Variants in LAMA2 observed in about 807,000 individuals in gnomAD.
The protein encoded by LAMA2 is laminin subunit alpha 2, also known as laminin subunit alpha-2.
LAMA2 carries 269 observed loss-of-function variants against 364.8 expected under a neutral mutation model. The ratio of observed to expected loss-of-function variants is 0.74; its 90% CI spans 0.67 to 0.82. The LOEUF (loss-of-function observed/expected upper bound fraction) is 0.82, where lower values mean the gene tolerates loss of function less well. Among genes scored for constraint, LAMA2 ranks in the 40% least tolerant of loss-of-function variants. The probability of loss-of-function intolerance (pLI) is 0.00; values close to 1 mark genes in which losing one functional copy is unlikely to be tolerated. For missense variants in LAMA2, 3,807 were observed against 3,873.2 expected, an observed-to-expected ratio of 0.98 and a Z score of 0.45; for synonymous variants, 1,379 against 1,370.6, an observed-to-expected ratio of 1.01 and a Z score of -0.14.
chr6:129,391,911 A>G (rs1779346735), intron 36 of LAMA2, among the ~76,000 whole-genome samples: 1 of 152,170 alleles, frequency 6.6e-6, no homozygotes, highest in East Asian at 1.9e-4. Context: ...TCTTGCCTAC[A>G]TATAATCAAG....
At chr6:129,419,757 G>C (rs913821777) in intron 40 of LAMA2, among the ~76,000 whole-genome samples, 3 of 151,988 alleles carry the variant, frequency 2.0e-5, no homozygotes, top group African/African-American at 7.3e-5. Flanking sequence ...TTTCAATCTT[G>C]ACAGATACTC....
At chr6:129,232,505 T>G (rs1784725911) in intron 12 of LAMA2, among the ~76,000 whole-genome samples, 1 of 152,106 alleles carries the variant, frequency 6.6e-6, no homozygotes, top group Non-Finnish European at 1.5e-5. Context: ...ATTCCTGATT[T>G]TTTTCTCCAT....
At chr6:128,929,537 C>T in intron 1 of LAMA2, 1 of 945,764 alleles carries the variant, frequency 1.1e-6, no homozygotes, top group Non-Finnish European at 1.8e-6. Flanking sequence ...AGAGAAACTC[C>T]TGAGCGACAA....
At chr6:129,360,186 A>G (rs768052891) in intron 32 of LAMA2, among the ~76,000 whole-genome samples, 13 of 152,282 alleles carry the variant, frequency 8.5e-5, no homozygotes, top group Non-Finnish European at 1.8e-4. Context: ...ATTGTAAGAT[A>G]GGTGTTCATT....
intron 9 of LAMA2, among the ~76,000 whole-genome samples, chr6:129,173,366 GTTTC>G (rs1780348178): frequency 6.6e-6 from 1 of 151,974 alleles, no homozygotes; most frequent in African/African-American, 2.4e-5. Flanking sequence ...TTTATTATGT[GTTTC>G]TTCTACGATA....
intron 29 of LAMA2, among the ~76,000 whole-genome samples, chr6:129,329,952 C>G (rs73585592): frequency 0.015 from 2,289 of 152,158 alleles, 46 homozygotes; most frequent in African/African-American, 0.05. Flanking sequence ...AGATCAGAGA[C>G]AGCATTAGAT....
At chr6:129,166,383 A>G (rs949003620) in intron 9 of LAMA2, among the ~76,000 whole-genome samples, 2 of 152,182 alleles carry the variant, frequency 1.3e-5, no homozygotes, top group Admixed American at 1.3e-4. Context: ...AAAGACTAAA[A>G]TTAATCAAGG....
At chr6:129,200,111 CGT>C (rs1562323502) in intron 12 of LAMA2, among the ~76,000 whole-genome samples, 1 of 115,262 alleles carries the variant, frequency 8.7e-6, no homozygotes, top group East Asian at 3.3e-4. Context: ...TATGTGTACA[CGT>C]ATATATATGT....
intron 7 of LAMA2, 90 bp from the exon 8 acceptor site, chr6:129,154,415 A>C: frequency 7.9e-7 from 1 of 1,263,976 alleles, no homozygotes; most frequent in Non-Finnish European, 1.1e-6. Flanking sequence ...CTCTGTCTCA[A>C]AAAAAAAATC....
chr6:129,167,999 G>T (rs372620674), intron 9 of LAMA2, among the ~76,000 whole-genome samples: 66 of 150,760 alleles, frequency 4.4e-4, no homozygotes, highest in Admixed American at 8.6e-4. Flanking sequence ...TCGCCCACTT[G>T]TTGATGGGGT....
At chr6:128,997,916 G>A (rs542908207) in intron 1 of LAMA2, among the ~76,000 whole-genome samples, 2 of 152,282 alleles carry the variant, frequency 1.3e-5, no homozygotes, top group East Asian at 3.9e-4. Context: ...GGTTCGTAAC[G>A]AGGTGATTTT....
chr6:129,187,949 G>T (rs1781321537), intron 10 of LAMA2, among the ~76,000 whole-genome samples: 1 of 151,924 alleles, frequency 6.6e-6, no homozygotes, highest in African/African-American at 2.4e-5. Flanking sequence ...CAATGTCTTT[G>T]CTAACATCGG....
rs143664472 is a variant in LAMA2, at chr6:129,098,318, A to G, written c.542A>G (p.Asn181Ser). 3.5e-5 allele frequency: 56 copies of G among 1,613,976 alleles called. No individual in the cohort carries two copies. The African/African-American group carries it at 5.9e-4, about 17-fold the overall frequency. ...GACACGGAGTGCCTAACGCTTTACA[A>G]TATTTATCCCCGCACTGGGCCACCG... ...VTDTECLTLYNIYPRTGPPSY... is the reference protein window; with the variant it reads ...VTDTECLTLYSIYPRTGPPSY... Residue 181 changes from asparagine (N) to serine (S), a missense_variant, in exon 4 of 65, where the codon AAT becomes AGT. Asn to Ser is a conservative substitution (Grantham distance 46). This residue lies in a region of LAMA2 where 394 missense variants were observed against 403.5 expected (regional missense o/e 0.98). Transcript: ENST00000421865.
chr6:129,302,922 C>T (rs528058584), intron 22 of LAMA2, among the ~76,000 whole-genome samples: 1 of 152,158 alleles, frequency 6.6e-6, no homozygotes, highest in South Asian at 2.1e-4. Flanking sequence ...GTTTCCAATA[C>T]CTTTTGAGTA....
Position 129,165,641 on chromosome 6 carries a change from A to T in LAMA2, c.1272A>T (p.Glu424Asp). The T allele has an allele frequency of 6.2e-7, 1 of 1,613,124 alleles. No individual in the cohort carries two copies. Among genetic ancestry groups the T allele is most frequent in the Non-Finnish European group, 8.5e-7 (1 of 1,179,322 alleles). Residue 424 changes from glutamate (E) to aspartate (D), a missense_variant, in exon 9 of 65, where the codon GAA becomes GAT. This residue lies in a region of LAMA2 where 3,333 missense variants were observed against 3,345.7 expected (regional missense o/e 1.00). Coordinates refer to ENST00000421865, the MANE Select transcript of LAMA2 (RefSeq NM_000426.4). ...GCGATCCAATTGGTTCCTTAAATGA[A>T]GTCTGTGTCAAGGATGAGAAACATG... is the stretch of plus-strand genomic sequence containing the variant. The part of the protein sequence containing the change: ...CHCDPIGSLN[E>D]VCVKDEKHAR...
At chr6:128,980,677 A>G (rs931149374) in intron 1 of LAMA2, among the ~76,000 whole-genome samples, 1 of 152,164 alleles carries the variant, frequency 6.6e-6, no homozygotes, top group Non-Finnish European at 1.5e-5. Context: ...ATATAAAACT[A>G]TTTTTGCCAG....
chr6:129,460,663 T>C (rs1783204858), intron 49 of LAMA2, among the ~76,000 whole-genome samples: 1 of 152,024 alleles, frequency 6.6e-6, no homozygotes, highest in Admixed American at 6.6e-5. Flanking sequence ...GAGTACCTCA[T>C]TGTTATAATT....
chr6:129,478,891 T>C, intron 54 of LAMA2, 78 bp downstream of exon 54: 2 of 1,280,662 alleles, frequency 1.6e-6, no homozygotes, highest in Non-Finnish European at 2.3e-6. Context: ...CCTACAAGGA[T>C]CAGTCTTTTG....
intron 11 of LAMA2, 137 bp downstream of exon 11, chr6:129,190,482 C>T (rs1781465735): frequency 1.1e-6 from 1 of 884,424 alleles, no homozygotes; most frequent in Admixed American, 2.5e-5. Context: ...GAATTTTCTT[C>T]AAATGCTGTT....
Sources: gnomAD v4.1 joint callset for allele counts (sites outside exome capture counted in the v4.1 genomes callset) on GRCh38, gnomAD v4.1.1 for gene constraint, gnomAD v4.1.1 regional missense constraint, MANE v1.5 for transcripts, NCBI Gene and HGNC (gene_info 2026-07-23, HGNC 2026-07-21) for gene names.